The following CDH4 variants were observed in gnomAD, a reference collection of about 807,000 sequenced individuals.
The protein encoded by CDH4 is cadherin-4.
In CDH4, 33 loss-of-function variants were observed where a neutral mutation model predicts 86.0. That is an observed-to-expected ratio of 0.38 (90% CI 0.29 to 0.51). The LOEUF (loss-of-function observed/expected upper bound fraction) is 0.51. Ranked by LOEUF, CDH4 falls within the 20% of genes least tolerant of loss-of-function variation. CDH4 has a pLI of 0.86. For missense variants in CDH4, 1,114 were observed against 1,307.4 expected (o/e 0.85, Z 2.28); for synonymous variants, 555 against 549.4 (o/e 1.01, Z -0.14).
intron 4 of CDH4, among the ~76,000 whole-genome samples, chr20:61,796,303 C>G (rs961579185): frequency 6.6e-6 from 1 of 152,176 alleles, no homozygotes; most frequent in East Asian, 1.9e-4. Context: ...GCATCCAGGG[C>G]ACATGACAAC....
intron 2 of CDH4, among the ~76,000 whole-genome samples, chr20:61,505,455 A>G (rs1397121058): frequency 2.0e-5 from 3 of 152,220 alleles, no homozygotes; most frequent in Non-Finnish European, 4.4e-5. Context: ...TTGTCTTTGC[A>G]GCCTGTGATC....
At chr20:61,841,698 C>CGG (rs35088011) in intron 4 of CDH4, among the ~76,000 whole-genome samples, 10 of 148,648 alleles carry the variant, frequency 6.7e-5, no homozygotes, top group South Asian at 2.1e-4. Flanking sequence ...AGGTGCATTG[C>CGG]GGGGGGGAAC....
rs5021366 is a variant in CDH4, at chr20:61,720,625, A to G, written c.170-22938A>G. Among the ~76,000 whole-genome samples the G allele has an allele frequency of 1.6e-3, 235 of 149,622 alleles. 1 individual carries two copies. The highest frequency in any genetic ancestry group is 3.4e-3 in the Middle Eastern group (1 of 290). ...AGGGGTGCAGCATGCAGGGGTGCAG[A>G]GTGCCATTCCTAAGCCATCGTCTTG... On this transcript the variant is annotated intron_variant, in intron 2 of 15. Transcript: ENST00000614565.
intron 2 of CDH4, among the ~76,000 whole-genome samples, chr20:61,537,802 G>C (rs550141968): frequency 6.6e-6 from 1 of 152,326 alleles, no homozygotes; most frequent in South Asian, 2.1e-4. Flanking sequence ...TGGAAGCCAA[G>C]GGGCTCTGGA....
chr20:61,575,023 G>T (rs2086372114), intron 2 of CDH4, among the ~76,000 whole-genome samples: 2 of 152,178 alleles, frequency 1.3e-5, no homozygotes, highest in Admixed American at 1.3e-4. Flanking sequence ...TGCGGCACAG[G>T]GTCTGAGCTC....
chr20:61,875,291 AG>A (rs754589968), intron 7 of CDH4, among the ~76,000 whole-genome samples: 1 of 152,170 alleles, frequency 6.6e-6, no homozygotes, highest in East Asian at 1.9e-4. Context: ...CTAAATCGTA[AG>A]GGGGTGGTGC....
chr20:61,466,384 C>A (rs2145564218), intron 2 of CDH4, among the ~76,000 whole-genome samples: 1 of 152,228 alleles, frequency 6.6e-6, no homozygotes, highest in East Asian at 1.9e-4. Flanking sequence ...AGGGCTGGAC[C>A]CCCATTGTAA....
At position 61,307,239 on chromosome 20, in the gene CDH4, C is replaced by T. The variant is rs562929376; in HGVS notation, c.169+52302C>T. ...CACTCAGCACCTACATGCTCCAACACGCCTTGCATGTATCATTAGGCACTC... is the reference window on the plus strand; with the variant it reads ...CACTCAGCACCTACATGCTCCAACATGCCTTGCATGTATCATTAGGCACTC... On this transcript the variant is annotated intron_variant, in intron 2 of 15. Coordinates refer to ENST00000614565, the MANE Select transcript of CDH4 (RefSeq NM_001794.5). 4.5e-4 allele frequency among the ~76,000 whole-genome samples: 68 copies of T among 152,334 alleles called. 1 individual carries two copies. The highest frequency in any genetic ancestry group is 3.4e-3 in the Middle Eastern group (1 of 294).
chr20:61,386,323 G>T, intron 2 of CDH4, among the ~76,000 whole-genome samples: 1 of 152,088 alleles, frequency 6.6e-6, no homozygotes, highest in Non-Finnish European at 1.5e-5. Flanking sequence ...GTGCTGCCCA[G>T]GATGACACCC....
At chr20:61,851,414 A>G (rs1351620274) in intron 5 of CDH4, among the ~76,000 whole-genome samples, 1 of 152,170 alleles carries the variant, frequency 6.6e-6, no homozygotes, top group African/African-American at 2.4e-5. Flanking sequence ...GCAGGCGTGG[A>G]ATTCAGGGCC....
At chr20:61,538,683 A>G (rs2086016544) in intron 2 of CDH4, among the ~76,000 whole-genome samples, 1 of 152,272 alleles carries the variant, frequency 6.6e-6, no homozygotes, top group African/African-American at 2.4e-5. Context: ...CCCTGTCCCC[A>G]GGAGGGTGGA....
chr20:61,528,855 T>TG (rs1287182090), intron 2 of CDH4, among the ~76,000 whole-genome samples: 1 of 151,960 alleles, frequency 6.6e-6, no homozygotes, highest in Non-Finnish European at 1.5e-5. Context: ...TCTTGATTTT[T>TG]TTTTTTTTTT....
intron 4 of CDH4, among the ~76,000 whole-genome samples, chr20:61,830,582 C>T (rs1981551940): frequency 6.6e-6 from 1 of 152,230 alleles, no homozygotes; most frequent in Non-Finnish European, 1.5e-5. Flanking sequence ...GGCCCCGCCT[C>T]CCAGGCCTCC....
intron 4 of CDH4, among the ~76,000 whole-genome samples, chr20:61,842,393 G>C (rs533243736): frequency 3.3e-5 from 5 of 152,290 alleles, no homozygotes; most frequent in African/African-American, 1.2e-4. Flanking sequence ...TAAAAACCGA[G>C]TGGGCTGCTT....
chr20:61,899,669 C>T lies in CDH4; in HGVS notation c.1188+4622C>T, dbSNP rs189952730. On this transcript the variant is annotated intron_variant, in intron 8 of 15. Transcript: ENST00000614565. ...GTCTTGATCTCCTGACCTCGTGATC[C>T]GCCCACCTCGGCCTCCCAAACTGCT... Among the ~76,000 whole-genome samples, 1,051 of 152,220 alleles carry T rather than the reference C, an allele frequency of 6.9e-3. 4 individuals carry two copies. Among genetic ancestry groups the T allele is most frequent in the Non-Finnish European group, 9.7e-3 (657 of 68,020 alleles).
intron 6 of CDH4, among the ~76,000 whole-genome samples, chr20:61,868,833 G>A (rs565373062): frequency 3.3e-5 from 5 of 152,364 alleles, no homozygotes; most frequent in Non-Finnish European, 7.3e-5. Context: ...GAGGGCGGGA[G>A]ACGGGGAGCT....
chr20:61,555,128 A>G (rs1332008366), intron 2 of CDH4, among the ~76,000 whole-genome samples: 1 of 152,050 alleles, frequency 6.6e-6, no homozygotes, highest in Non-Finnish European at 1.5e-5. Flanking sequence ...TGTGTATGTG[A>G]ACATAGGCGT....
intron 2 of CDH4, among the ~76,000 whole-genome samples, chr20:61,418,303 C>T (rs1450536962): frequency 2.6e-5 from 4 of 151,646 alleles, no homozygotes; most frequent in Non-Finnish European, 5.9e-5. Context: ...CTCCGCCTCC[C>T]GGGTTCACAC....
intron 2 of CDH4, among the ~76,000 whole-genome samples, chr20:61,326,256 G>T (rs1191239353): frequency 1.3e-5 from 2 of 152,172 alleles, no homozygotes; most frequent in African/African-American, 4.8e-5. Flanking sequence ...CTCATACTAG[G>T]TTTTGTGAAC....
Sources: gnomAD v4.1 joint callset for allele counts (sites outside exome capture counted in the v4.1 genomes callset) on GRCh38, gnomAD v4.1.1 for gene constraint, MANE v1.5 for transcripts, NCBI Gene and HGNC (gene_info 2026-07-23, HGNC 2026-07-21) for gene names.